RABGAP1L: variants seen among roughly 807,000 people sequenced by gnomAD.
RABGAP1L encodes the protein RAB GTPase activating protein 1 like.
A neutral mutation model predicts 137.7 loss-of-function variants in RABGAP1L; 63 were observed. The observed-to-expected ratio is 0.46, with a 90% CI of 0.37 to 0.56. RABGAP1L has a LOEUF of 0.56. RABGAP1L is among the 20% of genes least tolerant of loss of function. RABGAP1L has a pLI of 0.00. For missense variants in RABGAP1L, 1,095 were observed against 1,244.0 expected (o/e 0.88, Z 1.80); for synonymous variants, 431 against 433.7 (o/e 0.99, Z 0.08).
At chr1:174,232,164 T>C (rs1308755939) in intron 4 of RABGAP1L, among the ~76,000 whole-genome samples, 1 of 152,186 alleles carries the variant, frequency 6.6e-6, no homozygotes, top group Admixed American at 6.5e-5. Flanking sequence ...TTTCCTCTTA[T>C]GCTTAATTAG....
At chr1:174,211,118 G>A (rs1303936795) in intron 1 of RABGAP1L, among the ~76,000 whole-genome samples, 2 of 152,104 alleles carry the variant, frequency 1.3e-5, no homozygotes, top group Non-Finnish European at 2.9e-5. Context: ...AGAAAAGAAC[G>A]TTAATGAGCA....
At chr1:174,982,800 G>A in intron 23 of RABGAP1L, 34 bp from the exon 24 acceptor site, 3 of 1,544,760 alleles carry the variant, frequency 1.9e-6, no homozygotes, top group Non-Finnish European at 2.6e-6. Flanking sequence ...GAGTTGTTCT[G>A]TTTTCTAGTA....
At position 174,278,658 on chromosome 1, in the gene RABGAP1L, AGGT is replaced by A; in HGVS notation, c.1208_1210del (p.Val403del). On this transcript the variant is annotated inframe_deletion, in exon 10 of 26. Coordinates refer to ENST00000681986, the MANE Select transcript of RABGAP1L (RefSeq NM_001366446.1). ...GTGGCAGTGGATATGGTAGTCACAGAGGTGGTGGAGCCTGTTCGCTTTCTCCTG... is the reference window on the plus strand; with the variant it reads ...GTGGCAGTGGATATGGTAGTCACAGAGGTGGAGCCTGTTCGCTTTCTCCTG... The A allele has an allele frequency of 6.2e-7, 1 of 1,613,592 alleles. No homozygotes were observed. The highest frequency in any genetic ancestry group is 8.5e-7 in the Non-Finnish European group (1 of 1,179,766).
intron 19 of RABGAP1L, among the ~76,000 whole-genome samples, chr1:174,932,152 C>G (rs1663936433): frequency 6.6e-6 from 1 of 151,398 alleles, no homozygotes; most frequent in African/African-American, 2.4e-5. Context: ...TCATCTGGTA[C>G]TTTTCCTTCA....
chr1:174,557,887 A>G (rs1318121648), intron 13 of RABGAP1L, among the ~76,000 whole-genome samples: 1 of 152,252 alleles, frequency 6.6e-6, no homozygotes, highest in Admixed American at 6.5e-5. Flanking sequence ...GACCACATCA[A>G]CTTGGGGTCA....
At chr1:174,366,778 G>GAAAAAAAA (rs71117562) in intron 11 of RABGAP1L, among the ~76,000 whole-genome samples, 40 of 94,746 alleles carry the variant, frequency 4.2e-4, no homozygotes, top group African/African-American at 1.2e-3. Flanking sequence ...CCGTCTCCAG[G>GAAAAAAAA]AAAAAAAAAA....
At chr1:174,323,225 C>T (rs192463362) in intron 11 of RABGAP1L, among the ~76,000 whole-genome samples, 214 of 152,110 alleles carry the variant, frequency 1.4e-3, no homozygotes, top group African/African-American at 4.5e-3. Context: ...TTATATTTTA[C>T]TCATTTTAGC....
chr1:174,183,968 C>T (rs1381069604), intron 1 of RABGAP1L, among the ~76,000 whole-genome samples: 1 of 150,912 alleles, frequency 6.6e-6, no homozygotes, highest in Admixed American at 6.6e-5. Flanking sequence ...TGGGTTCACG[C>T]CATTCTCCTG....
chr1:174,459,376 C>A (rs977876643), intron 13 of RABGAP1L, among the ~76,000 whole-genome samples: 1 of 152,006 alleles, frequency 6.6e-6, no homozygotes, highest in Non-Finnish European at 1.5e-5. Flanking sequence ...ATACAGTTCA[C>A]GGAGTCTGTT....
chr1:174,646,807 G>T (rs1429905026), intron 14 of RABGAP1L, among the ~76,000 whole-genome samples: 2 of 152,126 alleles, frequency 1.3e-5, no homozygotes, highest in African/African-American at 4.8e-5. Flanking sequence ...TGGGCAGTAT[G>T]ACCATTTTTG....
At chr1:174,648,909 G>T (rs897944326) in intron 14 of RABGAP1L, among the ~76,000 whole-genome samples, 1 of 152,078 alleles carries the variant, frequency 6.6e-6, no homozygotes, top group Non-Finnish European at 1.5e-5. Context: ...ATATATTTAG[G>T]ATAGTTAGCT....
chr1:174,187,670 TGGG>T (rs1026785920), intron 1 of RABGAP1L, among the ~76,000 whole-genome samples: 2 of 152,142 alleles, frequency 1.3e-5, no homozygotes, highest in African/African-American at 2.4e-5. Context: ...TTTTAAAACA[TGGG>T]GGCAATGTTG....
chr1:174,308,013 T>G (rs1323871909), intron 11 of RABGAP1L, among the ~76,000 whole-genome samples: 4 of 152,054 alleles, frequency 2.6e-5, no homozygotes, highest in Admixed American at 2.0e-4. Context: ...TTTTAATGGG[T>G]GTGAGATGAT....
intron 10 of RABGAP1L, among the ~76,000 whole-genome samples, chr1:174,297,618 C>T (rs1677244440): frequency 6.6e-6 from 1 of 152,162 alleles, no homozygotes; most frequent in South Asian, 2.1e-4. Flanking sequence ...ATCTTAACTG[C>T]TTCCTGCTGA....
intron 1 of RABGAP1L, among the ~76,000 whole-genome samples, chr1:174,217,570 T>G (rs945823688): frequency 1.3e-5 from 2 of 152,088 alleles, no homozygotes; most frequent in African/African-American, 4.8e-5. Flanking sequence ...CAGTTAAGGA[T>G]TCATCGTGCA....
chr1:174,538,509 A>G (rs1665078263), intron 13 of RABGAP1L, among the ~76,000 whole-genome samples: 1 of 152,204 alleles, frequency 6.6e-6, no homozygotes, highest in South Asian at 2.1e-4. Context: ...AACCCTATAG[A>G]CATACCACTA....
At chr1:174,239,116 C>T (rs375227329) in intron 4 of RABGAP1L, among the ~76,000 whole-genome samples, 1 of 152,186 alleles carries the variant, frequency 6.6e-6, no homozygotes, top group African/African-American at 2.4e-5. Flanking sequence ...ATGCCTCGCC[C>T]TGCTTCGGCT....
intron 13 of RABGAP1L, among the ~76,000 whole-genome samples, chr1:174,476,941 G>T (rs1264697432): frequency 6.6e-6 from 1 of 152,180 alleles, no homozygotes; most frequent in Non-Finnish European, 1.5e-5. Context: ...AGTGGCAGAA[G>T]ACGTTCATGT....
chr1:174,280,048 G>GAGA (rs1675362368), intron 10 of RABGAP1L, among the ~76,000 whole-genome samples: 69 of 125,306 alleles, frequency 5.5e-4, no homozygotes, highest in African/African-American at 1.9e-3. Context: ...CTGTCTGCCT[G>GAGA]GAGAGAGAGA....
Sources: gnomAD v4.1 joint callset for allele counts (sites outside exome capture counted in the v4.1 genomes callset) on GRCh38, gnomAD v4.1.1 for gene constraint, MANE v1.5 for transcripts, NCBI Gene and HGNC (gene_info 2026-07-23, HGNC 2026-07-21) for gene names.